PPP2R5E: variants seen among roughly 807,000 people sequenced by gnomAD.
PPP2R5E encodes the protein serine/threonine-protein phosphatase 2A 56 kDa regulatory subunit epsilon isoform.
PPP2R5E carries 4 observed loss-of-function variants against 65.3 expected under a neutral mutation model. That is an observed-to-expected ratio of 0.06 (90% CI 0.03 to 0.14). The LOEUF is 0.14. Ranked by LOEUF, PPP2R5E falls within the 10% of genes least tolerant of loss-of-function variation. The pLI is 1.00. For missense variants in PPP2R5E, 274 were observed against 556.1 expected (o/e 0.49, Z 5.10); for synonymous variants, 183 against 187.4 (o/e 0.98, Z 0.19).
chr14:63,542,272 G>A (rs1361030348), intron 1 of PPP2R5E, among the ~76,000 whole-genome samples: 3 of 152,132 alleles, frequency 2.0e-5, no homozygotes, highest in Non-Finnish European at 4.4e-5. Flanking sequence ...AACAGGTTTC[G>A]CCCTGGGCCA....
intron 10 of PPP2R5E, among the ~76,000 whole-genome samples, chr14:63,390,516 C>G (rs1433401765): frequency 6.6e-6 from 1 of 152,066 alleles, no homozygotes; most frequent in Non-Finnish European, 1.5e-5. Flanking sequence ...AAAATAATTA[C>G]TTTGAAAAAA....
At chr14:63,466,773 A>C (rs11850471) in intron 2 of PPP2R5E, among the ~76,000 whole-genome samples, 1 of 152,108 alleles carries the variant, frequency 6.6e-6, no homozygotes, top group Non-Finnish European at 1.5e-5. Flanking sequence ...GTGTGTATAC[A>C]TATGTGTATA....
chr14:63,533,988 C>G (rs974090394), intron 2 of PPP2R5E, among the ~76,000 whole-genome samples: 17 of 152,160 alleles, frequency 1.1e-4, no homozygotes, highest in Admixed American at 6.6e-4. Context: ...GCTACTTTCA[C>G]TATAATTCCA....
At chr14:63,456,972 T>TA (rs1405292632) in intron 2 of PPP2R5E, among the ~76,000 whole-genome samples, 1 of 152,248 alleles carries the variant, frequency 6.6e-6, no homozygotes, top group African/African-American at 2.4e-5. Flanking sequence ...TTCATTAAAT[T>TA]AAAAAACTTG....
intron 5 of PPP2R5E, among the ~76,000 whole-genome samples, chr14:63,407,072 C>T (rs1886131371): frequency 6.6e-6 from 1 of 152,210 alleles, no homozygotes; most frequent in Non-Finnish European, 1.5e-5. Flanking sequence ...GGGAATACTT[C>T]TGAGAGTTTG....
intron 13 of PPP2R5E, among the ~76,000 whole-genome samples, chr14:63,380,916 GT>G (rs2139742433): frequency 6.6e-6 from 1 of 152,186 alleles, no homozygotes; most frequent in Admixed American, 6.5e-5. Context: ...TAAAATGCAA[GT>G]TGACAGACTA....
rs148635442 is a variant in PPP2R5E at position 63,521,616 on chromosome 14, T to C, written c.157+17913A>G. Among the ~76,000 whole-genome samples, 3 of 152,096 alleles carry C rather than the reference T, an allele frequency of 2.0e-5. No individual in the cohort carries two copies. The East Asian group carries it at 5.8e-4, about 29-fold the overall frequency. ...AGGCAGAGGTTGCAGTGAGCTGAGATCACGCCACTGCACTCCAGTCTGGTG... is the reference window on the plus strand; with the variant it reads ...AGGCAGAGGTTGCAGTGAGCTGAGACCACGCCACTGCACTCCAGTCTGGTG... On this transcript the variant is annotated intron_variant, in intron 2 of 13. Transcript: ENST00000337537.
At chr14:63,390,247 ACATGCAGGTGCCACTTCAAACCCATAAG>A (rs1202374981) in intron 10 of PPP2R5E, among the ~76,000 whole-genome samples, 29 of 152,018 alleles carry the variant, frequency 1.9e-4, no homozygotes, top group African/African-American at 6.8e-4. Context: ...AGACTCACTC[ACATGCAGGTGCCACTTCAAACCCATAAG>A]CATGCACTGA....
At chr14:63,513,352 G>A (rs935429961) in intron 2 of PPP2R5E, among the ~76,000 whole-genome samples, 2 of 152,118 alleles carry the variant, frequency 1.3e-5, no homozygotes. Flanking sequence ...GCAAAATGAA[G>A]AACTTGGAAA....
At chr14:63,519,713 G>A (rs1002609413) in intron 2 of PPP2R5E, among the ~76,000 whole-genome samples, 4 of 150,732 alleles carry the variant, frequency 2.7e-5, no homozygotes, top group African/African-American at 7.3e-5. Context: ...CGAGGCTGGA[G>A]TGCAGCGGCG....
At chr14:63,530,630 CTTTTTTTTTTTTTT>C (rs954359159) in intron 2 of PPP2R5E, among the ~76,000 whole-genome samples, 1 of 81,294 alleles carries the variant, frequency 1.2e-5, no homozygotes, top group Middle Eastern at 0.012. Context: ...CTCTCAATTT[CTTTTTTTTTTTTTT>C]TTTTTTTTTT....
At chr14:63,423,413 T>G (rs537775918) in intron 3 of PPP2R5E, among the ~76,000 whole-genome samples, 1 of 152,308 alleles carries the variant, frequency 6.6e-6, no homozygotes, top group East Asian at 1.9e-4. Context: ...AAGATTTCTA[T>G]AGTAAAATGT....
chr14:63,419,923 T>C lies in PPP2R5E; in HGVS notation c.456+2070A>G, dbSNP rs564673051. Among the ~76,000 whole-genome samples the C allele has an allele frequency of 6.5e-4, 99 of 152,360 alleles. 1 individual carries two copies. The highest frequency in any genetic ancestry group is 2.2e-3 in the Admixed American group (33 of 15,304). On this transcript the variant is annotated intron_variant, in intron 4 of 13. Transcript: ENST00000337537. Reference sequence around the variant, plus strand: ...GGATTTCAGATTAACTAATGGTTAATATTCCTGCAGTAATGACAGTGTAAG... The same window carrying C: ...GGATTTCAGATTAACTAATGGTTAACATTCCTGCAGTAATGACAGTGTAAG...
chr14:63,450,256 C>T (rs1363031286), intron 3 of PPP2R5E, among the ~76,000 whole-genome samples: 2 of 152,192 alleles, frequency 1.3e-5, no homozygotes, highest in South Asian at 2.1e-4. Flanking sequence ...TAATTAGTAG[C>T]TAACAATTTC....
At chr14:63,522,946 C>A (rs1211995335) in intron 2 of PPP2R5E, among the ~76,000 whole-genome samples, 2 of 143,980 alleles carry the variant, frequency 1.4e-5, no homozygotes, top group African/African-American at 2.6e-5. Flanking sequence ...CCGCCCCGTC[C>A]GGGAGGGAGG....
chr14:63,535,348 G>T (rs1020002440), intron 2 of PPP2R5E, among the ~76,000 whole-genome samples: 1 of 152,054 alleles, frequency 6.6e-6, no homozygotes, highest in African/African-American at 2.4e-5. Flanking sequence ...CTTGAACCAA[G>T]AGGCAGAGGT....
At chr14:63,506,430 G>T (rs932689304) in intron 2 of PPP2R5E, among the ~76,000 whole-genome samples, 1 of 152,036 alleles carries the variant, frequency 6.6e-6, no homozygotes, top group Non-Finnish European at 1.5e-5. Context: ...CAGCCTGGGC[G>T]ACAGAGCAAG....
At chr14:63,455,106 T>C (rs1889046198) in intron 2 of PPP2R5E, among the ~76,000 whole-genome samples, 1 of 152,206 alleles carries the variant, frequency 6.6e-6, no homozygotes, top group African/African-American at 2.4e-5. Context: ...AATGGCCTCC[T>C]GGCTTGGGCT....
chr14:63,529,294 A>G (rs1893310451), intron 2 of PPP2R5E, among the ~76,000 whole-genome samples: 1 of 150,756 alleles, frequency 6.6e-6, no homozygotes, highest in Admixed American at 6.6e-5. Context: ...TTTGAGATAG[A>G]TCCGCCCACC....
Sources: allele counts gnomAD v4.1 joint callset (sites outside exome capture counted in the v4.1 genomes callset), GRCh38; gene constraint gnomAD v4.1.1; transcripts MANE v1.5; gene names NCBI Gene and HGNC (gene_info 2026-07-23, HGNC 2026-07-21).